EPG5: variants seen among roughly 807,000 people sequenced by gnomAD.
EPG5 encodes the protein ectopic P granules protein 5 homolog.
EPG5 carries 159 observed loss-of-function variants against 302.7 expected under a neutral mutation model. That is an observed-to-expected ratio of 0.53 (90% CI 0.46 to 0.60). The LOEUF (loss-of-function observed/expected upper bound fraction) is 0.60, where lower values mean the gene tolerates loss of function less well. Ranked by LOEUF, EPG5 falls within the 20% of genes least tolerant of loss-of-function variation. The pLI, the probability that EPG5 is intolerant of heterozygous loss-of-function variation, is 0.00. For synonymous variants in EPG5, 1,158 were observed against 1,136.8 expected (o/e 1.02, Z -0.37); for missense variants, 2,896 against 3,092.4 (o/e 0.94, Z 1.51).
intron 39 of EPG5, among the ~76,000 whole-genome samples, chr18:45,861,450 A>C (rs1012705391): frequency 1.3e-5 from 2 of 152,140 alleles, no homozygotes; most frequent in African/African-American, 4.8e-5. Flanking sequence ...AGGGCTCTCA[A>C]ATCTTTTCCT....
Position 45,865,664 on chromosome 18 carries a change from T to G in EPG5, c.6717A>C (p.Glu2239Asp), listed in dbSNP as rs766604013. 1 of 1,614,054 alleles carries G rather than the reference T, an allele frequency of 6.2e-7. No homozygotes were observed. Among genetic ancestry groups the G allele is most frequent in the Non-Finnish European group, 8.5e-7 (1 of 1,180,014 alleles). ...QNGKITLAVL[E>D]QEMSKLLDDI... Reference sequence around the variant, plus strand: ...CGTCTAAGAGCTTAGACATTTCCTGTTCTAGGACTGCTAAGGTGATTTTTC... The same window carrying G: ...CGTCTAAGAGCTTAGACATTTCCTGGTCTAGGACTGCTAAGGTGATTTTTC... The change falls in exon 39 of 44, where the codon GAA becomes GAC. Residue 2239 changes from glutamate to aspartate, a missense_variant. By Grantham distance (45) the Glu-to-Asp change is conservative. This residue lies in a region of EPG5 where 620 missense variants were observed against 704.2 expected (regional missense o/e 0.88). Transcript: ENST00000282041.
the EPG5 span, chr18:45,837,696 G>T: frequency 4.1e-6 from 6 of 1,476,046 alleles, no homozygotes; most frequent in South Asian, 6.6e-5. Context: ...GCTGCGGCGC[G>T]GGGCAGCGAG....
intron 27 of EPG5, among the ~76,000 whole-genome samples, chr18:45,895,314 A>G (rs890372624): frequency 2.6e-5 from 4 of 152,214 alleles, no homozygotes; most frequent in Admixed American, 6.5e-5. Context: ...AGGCAGGTGG[A>G]AATCTAGATT....
chr18:45,804,020 C>T, the EPG5 span, among the ~76,000 whole-genome samples: 1 of 152,086 alleles, frequency 6.6e-6, no homozygotes, highest in African/African-American at 2.4e-5. Flanking sequence ...TTTAAAATGG[C>T]AATTCTTACT....
chr18:45,874,076 A>G (rs987059886), intron 35 of EPG5, among the ~76,000 whole-genome samples: 1 of 152,190 alleles, frequency 6.6e-6, no homozygotes, highest in Non-Finnish European at 1.5e-5. Context: ...TGATACCACA[A>G]TGGTGGGCAC....
rs552164715 is a variant in EPG5 at position 45,867,465 on chromosome 18, T to C, written c.6411+98A>G. ...TATGCCAAGCATCTGTTCACACTGA[T>C]AGGGGCACTGGAAAAACAAATGAAA... On this transcript the variant is annotated intron_variant, in intron 37 of 43. Transcript: ENST00000282041. The C allele has an allele frequency of 1.7e-4, 160 of 952,956 alleles. 1 individual carries two copies. Among genetic ancestry groups the C allele is most frequent in the Non-Finnish European group, 2.6e-4 (156 of 605,862 alleles). 59.0% of individuals were successfully genotyped at this position (952,956 alleles called of 1,614,324 possible). A position where few individuals can be genotyped will look rare whatever the true frequency, so the allele number is the denominator to read the frequency against.
At chr18:45,837,235 G>A in the EPG5 span, 8 of 1,376,952 alleles carry the variant, frequency 5.8e-6, no homozygotes, top group Non-Finnish European at 7.7e-6. Flanking sequence ...GGTGAATTAG[G>A]AAACGAAGAG....
At chr18:45,841,784 T>C in the EPG5 span, among the ~76,000 whole-genome samples, 1 of 152,178 alleles carries the variant, frequency 6.6e-6, no homozygotes, top group African/African-American at 2.4e-5. Context: ...CACTGAGATG[T>C]CCTAGGGGAA....
chr18:45,890,799 A>G (rs9304325), intron 27 of EPG5, among the ~76,000 whole-genome samples: 125,954 of 152,100 alleles, frequency 0.83, 52,391 homozygotes, highest in East Asian at 0.9. Flanking sequence ...CAGAACTGAC[A>G]TGACAGCTGT....
chr18:45,943,164 A>C lies in EPG5; in HGVS notation c.1940T>G (p.Ile647Ser), dbSNP rs770599313. 4.3e-6 allele frequency: 7 copies of C among 1,614,116 alleles called. No individual in the cohort carries two copies. Among genetic ancestry groups the C allele is most frequent in the Non-Finnish European group, 5.9e-6 (7 of 1,179,982 alleles). Residue 647 changes from isoleucine (I) to serine (S), a missense_variant, in exon 9 of 44, where the codon ATC (isoleucine) becomes AGC (serine). Transcript: ENST00000282041. The stretch of plus-strand genomic sequence containing the variant: ...GGTAGAGCAACAGCAGTATTACCTG[A>C]TCATATAACCAATTCGCTTCACAAA... ...RQFVKRIGYMIRMTLGYVSDH... is the reference protein window; with the variant it reads ...RQFVKRIGYMSRMTLGYVSDH...
At position 45,899,424 on chromosome 18, in the gene EPG5, C is replaced by T; in HGVS notation, c.4789G>A (p.Ala1597Thr). Reference sequence around the variant, plus strand: ...CTTACCTGAACCGTGACAACTGCGGCTCCTTGGCATTTCTTACCGCTGCTG... The same window carrying T: ...CTTACCTGAACCGTGACAACTGCGGTTCCTTGGCATTTCTTACCGCTGCTG... The part of the protein sequence containing the change: ...RGSSGKKCQG[A>T]AVVTVQFEGM... Residue 1597 changes from alanine (A) to threonine (T), a missense_variant, in exon 27 of 44, where the codon GCC (alanine) becomes ACC (threonine). This residue lies in a region of EPG5 where 790 missense variants were observed against 798.0 expected (regional missense o/e 0.99). Coordinates refer to ENST00000282041, the MANE Select transcript of EPG5 (RefSeq NM_020964.3). 1 of 1,614,182 alleles carries T rather than the reference C, an allele frequency of 6.2e-7. No homozygotes were observed. The highest frequency in any genetic ancestry group is 8.5e-7 in the Non-Finnish European group (1 of 1,180,046).
chr18:45,883,079 C>T (rs1038370170), intron 30 of EPG5, among the ~76,000 whole-genome samples: 5 of 150,488 alleles, frequency 3.3e-5, no homozygotes, highest in Non-Finnish European at 5.9e-5. Flanking sequence ...GTGTTACTAT[C>T]TAGAATCTCA....
At chr18:45,953,803 T>C in intron 2 of EPG5, 1 of 985,306 alleles carries the variant, frequency 1.0e-6, no homozygotes, top group Non-Finnish European at 1.2e-6. Flanking sequence ...TACCTTCAGA[T>C]TCCTCATCCC....
At chr18:45,830,242 T>C in the EPG5 span, among the ~76,000 whole-genome samples, 2 of 152,244 alleles carry the variant, frequency 1.3e-5, no homozygotes, top group Admixed American at 1.3e-4. Flanking sequence ...TCTGACCCTA[T>C]CCAATTGCAG....
intron 22 of EPG5, among the ~76,000 whole-genome samples, 165 bp from the exon 23 acceptor site, chr18:45,910,907 C>G (rs184826625): frequency 6.6e-6 from 1 of 152,052 alleles, no homozygotes; most frequent in Non-Finnish European, 1.5e-5. Context: ...GATGGTCCAA[C>G]AAGATGGTGT....
intron 10 of EPG5, among the ~76,000 whole-genome samples, chr18:45,936,720 CAAAAAAAA>C (rs762675563): frequency 1.5e-4 from 8 of 53,864 alleles, no homozygotes; most frequent in Non-Finnish European, 1.8e-4. Context: ...GACTCCATTT[CAAAAAAAA>C]AAAAAAAAAA....
At chr18:45,880,268 G>T in intron 31 of EPG5, 45 bp from the exon 32 acceptor site, 1 of 1,496,448 alleles carries the variant, frequency 6.7e-7, no homozygotes, top group Non-Finnish European at 8.9e-7. Context: ...TTTCCCGAAA[G>T]GAATATTTTA....
At chr18:45,935,691 T>C (rs944678841) in intron 10 of EPG5, among the ~76,000 whole-genome samples, 1 of 152,166 alleles carries the variant, frequency 6.6e-6, no homozygotes, top group Non-Finnish European at 1.5e-5. Context: ...GGTACACGTG[T>C]GCCCACAGAC....
chr18:45,825,750 C>T, the EPG5 span: 8 of 1,614,120 alleles, frequency 5.0e-6, no homozygotes, highest in South Asian at 1.1e-5. Flanking sequence ...CATCTGGCTG[C>T]TGGCCTGCTT....
Sources: gnomAD v4.1 joint callset for allele counts (sites outside exome capture counted in the v4.1 genomes callset) on GRCh38, gnomAD v4.1.1 for gene constraint, gnomAD v4.1.1 regional missense constraint, MANE v1.5 for transcripts, NCBI Gene and HGNC (gene_info 2026-07-23, HGNC 2026-07-21) for gene names.